The following SEPTIN9 variants were observed in gnomAD, a reference collection of about 807,000 sequenced individuals.
The protein encoded by SEPTIN9 is septin 9, also known as septin-9.
SEPTIN9 carries 13 observed loss-of-function variants against 56.6 expected under a neutral mutation model. The observed-to-expected ratio is 0.23, with a 90% CI of 0.15 to 0.37. The LOEUF is 0.37. SEPTIN9 is among the 10% of genes least tolerant of loss of function. The pLI, the probability that SEPTIN9 is intolerant of heterozygous loss-of-function variation, is 1.00. For missense variants in SEPTIN9, 650 were observed against 823.1 expected (o/e 0.79, Z 2.57); for synonymous variants, 332 against 334.1 (o/e 0.99, Z 0.07).
Position 77,323,142 on chromosome 17 carries a change from G to A in SEPTIN9, c.76+15945G>A, listed in dbSNP as rs1274802425. Among the ~76,000 whole-genome samples the A allele has an allele frequency of 2.0e-5, 3 of 152,116 alleles. No individual in the cohort carries two copies. Among genetic ancestry groups the A allele is most frequent in the Admixed American group, 6.5e-5 (1 of 15,280 alleles). ...CCCTCCCTCGGCAGTGTCTGGCTCC[G>A]GTCTGGTTTGTGAACGGGGGCCTGG... On this transcript the variant is annotated intron_variant, in intron 2 of 11. Transcript: ENST00000427177. The surrounding 1 kb of genome is among the most constrained non-coding windows in gnomAD (Gnocchi z 6.8).
intron 4 of SEPTIN9, among the ~76,000 whole-genome samples, chr17:77,484,480 GA>G (rs2039596628): frequency 6.9e-6 from 1 of 145,380 alleles, no homozygotes; most frequent in African/African-American, 2.7e-5. Context: ...TGGTGGTGAT[GA>G]TGGTGGTGAT....
rs536854377 is a variant in SEPTIN9 at position 77,410,473 on chromosome 17, G to C, written c.721+7770G>C. 3.9e-5 allele frequency among the ~76,000 whole-genome samples: 6 copies of C among 152,292 alleles called. No individual in the cohort carries two copies. The South Asian group carries it at 1.2e-3, about 32-fold the overall frequency. On this transcript the variant is annotated intron_variant, in intron 3 of 11. Coordinates refer to ENST00000427177, the MANE Select transcript of SEPTIN9 (RefSeq NM_001113491.2). ...ATTCCATCTGCCGCCTTCCAAAATG[G>C]CCCGCAGAGGTTAAGATATAGACTC...
chr17:77,415,875 C>T (rs2036488318), intron 3 of SEPTIN9, among the ~76,000 whole-genome samples: 1 of 152,192 alleles, frequency 6.6e-6, no homozygotes, highest in Non-Finnish European at 1.5e-5. Context: ...GCAGGACAGC[C>T]CCAGGAGGGC....
At position 77,460,875 on chromosome 17, in the gene SEPTIN9, C is replaced by T. The variant is rs182542243; in HGVS notation, c.722-21269C>T. Among the ~76,000 whole-genome samples the T allele has an allele frequency of 2.6e-3, 391 of 152,306 alleles. 1 individual carries two copies. Among genetic ancestry groups the T allele is most frequent in the Non-Finnish European group, 4.8e-3 (328 of 68,022 alleles). ...GGGGATGAGTTGAGTGAGACCCTTC[C>T]GGCTTCTGACTGGCTGTGTTTCTGT... is the stretch of plus-strand genomic sequence containing the variant. On this transcript the variant is annotated intron_variant, in intron 3 of 11. Transcript: ENST00000427177.
chr17:77,315,074 A>G (rs1163094445), intron 2 of SEPTIN9, among the ~76,000 whole-genome samples: 2 of 152,166 alleles, frequency 1.3e-5, no homozygotes, highest in Non-Finnish European at 2.9e-5. Context: ...TCCTGCACAC[A>G]TATTCAGTTT....
chr17:77,481,652 G>A (rs1309698052), intron 3 of SEPTIN9, among the ~76,000 whole-genome samples: 2 of 150,972 alleles, frequency 1.3e-5, no homozygotes, highest in African/African-American at 4.9e-5. Context: ...TCGTGGATCG[G>A]CTTCTAAGGC....
intron 3 of SEPTIN9, among the ~76,000 whole-genome samples, chr17:77,459,713 CTT>C (rs1307984959): frequency 2.0e-5 from 3 of 146,410 alleles, no homozygotes; most frequent in Admixed American, 6.8e-5. Context: ...CTCCCAGACT[CTT>C]TTTTTTTTTG....
At chr17:77,307,630 G>A (rs557978060) in intron 2 of SEPTIN9, among the ~76,000 whole-genome samples, 39 of 152,302 alleles carry the variant, frequency 2.6e-4, no homozygotes, top group African/African-American at 9.1e-4. Context: ...GGATAGAGCA[G>A]ATACGTCCGG....
Position 77,402,579 on chromosome 17 carries a change from C to T in SEPTIN9, c.597C>T (p.Pro199=). 1 of 1,611,630 alleles carries T rather than the reference C, an allele frequency of 6.2e-7. No individual in the cohort carries two copies. The highest frequency in any genetic ancestry group is 8.5e-7 in the Non-Finnish European group (1 of 1,179,180). Reference sequence around the variant, plus strand: ...AGATGCCCAAGCCTGCTGAGGCGCCCACCGCCCCCAGCCCAGCCCAGACCT... The same window carrying T: ...AGATGCCCAAGCCTGCTGAGGCGCCTACCGCCCCCAGCCCAGCCCAGACCT... The part of the protein sequence containing the change: ...EIQMPKPAEA[P]TAPSPAQTLE... The change falls in exon 3 of 12, where the codon CCC becomes CCT. Residue 199 remains proline (P), a synonymous_variant. Transcript: ENST00000427177. The surrounding 1 kb of genome is among the most constrained non-coding windows in gnomAD (Gnocchi z 6.6).
At chr17:77,485,652 TC>T (rs1352408836) in intron 4 of SEPTIN9, among the ~76,000 whole-genome samples, 1 of 151,906 alleles carries the variant, frequency 6.6e-6, no homozygotes, top group African/African-American at 2.4e-5. Flanking sequence ...TTGACATAAC[TC>T]CTGACCTGAG....
At chr17:77,446,579 G>A (rs529322560) in intron 3 of SEPTIN9, 51 of 162,004 alleles carry the variant, frequency 3.1e-4, no homozygotes, top group African/African-American at 1.2e-3. Context: ...TTGAACTCCT[G>A]ACCTCAGGTG....
rs576938172 is a variant in SEPTIN9 at position 77,437,521 on chromosome 17, G to A, written c.721+34818G>A. Among the ~76,000 whole-genome samples the A allele has an allele frequency of 1.2e-4, 18 of 152,218 alleles. No individual in the cohort carries two copies. The East Asian group carries it at 2.3e-3, about 20-fold the overall frequency. On this transcript the variant is annotated intron_variant, in intron 3 of 11. Transcript: ENST00000427177. The surrounding 1 kb of genome is among the most constrained non-coding windows in gnomAD (Gnocchi z 5.3). ...TCTCTCAGTGAGGTGGGAGGACCTC[G>A]AGAGGTCAGGAGGCTGCTCAAGACC...
In SEPTIN9 at chr17:77,326,251, T is replaced by C. The variant is rs550111129; in HGVS notation, c.76+19054T>C. ...TCAGCATTGGGTGCTCCCTGTGGAC[T>C]TGGCGCTGGGGTCCCGTGGAGGACA... On this transcript the variant is annotated intron_variant, in intron 2 of 11. Coordinates refer to ENST00000427177, the MANE Select transcript of SEPTIN9 (RefSeq NM_001113491.2). This position sits in a 1 kb window ranked among gnomAD's most constrained non-coding sequence, Gnocchi z 5.1. Among the ~76,000 whole-genome samples the C allele has an allele frequency of 9.2e-5, 14 of 152,364 alleles. No homozygotes were observed. The South Asian group carries it at 2.7e-3, about 29-fold the overall frequency.
At chr17:77,426,180 G>C (rs369825908) in intron 3 of SEPTIN9, among the ~76,000 whole-genome samples, 1 of 151,976 alleles carries the variant, frequency 6.6e-6, no homozygotes, top group African/African-American at 2.4e-5. Context: ...TCCCGAATCC[G>C]AGTGCCCTCT....
intron 2 of SEPTIN9, among the ~76,000 whole-genome samples, chr17:77,346,065 C>G (rs1401333351): frequency 6.6e-6 from 1 of 152,086 alleles, no homozygotes; most frequent in East Asian, 1.9e-4. Context: ...ATTCTCCTGC[C>G]TCAGCCTTCT....
intron 2 of SEPTIN9, among the ~76,000 whole-genome samples, chr17:77,308,744 T>A (rs2143602043): frequency 6.6e-6 from 1 of 152,330 alleles, no homozygotes; most frequent in East Asian, 1.9e-4. Context: ...CACAGACGCC[T>A]CCTAAGTCTG....
chr17:77,475,546 C>G lies in SEPTIN9; in HGVS notation c.722-6598C>G, dbSNP rs1388029077. 2 of 1,612,818 alleles carry G rather than the reference C, an allele frequency of 1.2e-6. No individual in the cohort carries two copies. Among genetic ancestry groups the G allele is most frequent in the Non-Finnish European group, 1.7e-6 (2 of 1,179,724 alleles). Reference sequence around the variant, plus strand: ...GGGCTCAAGTTTCTGGGAAGGCCTGCAGGTGGCCGTAGGGCTGCCGCAGGG... The same window carrying G: ...GGGCTCAAGTTTCTGGGAAGGCCTGGAGGTGGCCGTAGGGCTGCCGCAGGG... On this transcript the variant is annotated intron_variant, in intron 3 of 11. Transcript: ENST00000427177. The surrounding 1 kb of genome is among the most constrained non-coding windows in gnomAD (Gnocchi z 4.6).
chr17:77,368,741 A>G (rs892607222), intron 2 of SEPTIN9, among the ~76,000 whole-genome samples: 2 of 152,260 alleles, frequency 1.3e-5, no homozygotes, highest in African/African-American at 4.8e-5. Flanking sequence ...CAAAACATTA[A>G]AAAATTACTT....
intron 3 of SEPTIN9, chr17:77,446,859 C>T (rs551289352): frequency 2.4e-5 from 4 of 167,014 alleles, no homozygotes; most frequent in Non-Finnish European, 4.4e-5. Flanking sequence ...CAAACTGGCT[C>T]AAGGGGAAAA....
Sources: allele counts gnomAD v4.1 joint callset (sites outside exome capture counted in the v4.1 genomes callset), GRCh38; gene constraint gnomAD v4.1.1; non-coding constraint Gnocchi (gnomAD v3.1); transcripts MANE v1.5; gene names NCBI Gene and HGNC (gene_info 2026-07-23, HGNC 2026-07-21).